Variants in TSHZ2 observed in about 807,000 individuals in gnomAD.
TSHZ2 encodes teashirt homolog 2.
A neutral mutation model predicts 74.4 loss-of-function variants in TSHZ2; 21 were observed. The observed-to-expected ratio is 0.28, with a 90% CI of 0.20 to 0.41. The LOEUF (loss-of-function observed/expected upper bound fraction) is 0.41, where lower values mean the gene tolerates loss of function less well. Among genes scored for constraint, TSHZ2 ranks in the 10% least tolerant of loss-of-function variants. The probability of loss-of-function intolerance (pLI) is 1.00; values close to 1 mark genes in which losing one functional copy is unlikely to be tolerated. For synonymous variants in TSHZ2, 540 were observed against 515.3 expected, an observed-to-expected ratio of 1.05 and a Z score of -0.65; for missense variants, 1,244 against 1,293.5, an observed-to-expected ratio of 0.96 and a Z score of 0.59.
chr20:53,364,529 C>A (rs1006989990), intron 2 of TSHZ2, among the ~76,000 whole-genome samples: 1 of 152,204 alleles, frequency 6.6e-6, no homozygotes, highest in African/African-American at 2.4e-5. Flanking sequence ...TAGGATTACC[C>A]AGCCCCACTT....
At position 53,171,225 on chromosome 20, in the gene TSHZ2, T is replaced by C. The variant is rs529676229; in HGVS notation, c.41-82274T>C. Among the ~76,000 whole-genome samples the C allele has an allele frequency of 1.6e-3, 239 of 152,348 alleles. 1 individual carries two copies. The highest frequency in any genetic ancestry group is 5.5e-3 in the African/African-American group (228 of 41,586). On this transcript the variant is annotated intron_variant, in intron 1 of 2. Transcript: ENST00000371497. ...CTCAAGCGTGTCCCCTTTAAGAGAC[T>C]CCAGAATTAAATGTTCCCGTATGTG...
At chr20:53,212,931 G>A (rs1202678104) in intron 1 of TSHZ2, among the ~76,000 whole-genome samples, 2 of 152,184 alleles carry the variant, frequency 1.3e-5, no homozygotes, top group Non-Finnish European at 2.9e-5. Flanking sequence ...ATGCTCATTA[G>A]GTGGTTGGTG....
intron 2 of TSHZ2, among the ~76,000 whole-genome samples, chr20:53,420,702 G>T (rs983273869): frequency 1.3e-5 from 2 of 152,152 alleles, no homozygotes; most frequent in Non-Finnish European, 2.9e-5. Context: ...GGCAGAGCTT[G>T]CAGTGAGCCG....
intron 1 of TSHZ2, among the ~76,000 whole-genome samples, chr20:53,204,323 A>G (rs1299075028): frequency 7.6e-6 from 1 of 131,850 alleles, no homozygotes; most frequent in Non-Finnish European, 1.6e-5. Context: ...ACATGATGAT[A>G]TGATACTATA....
chr20:53,467,294 A>G (rs776820578), intron 2 of TSHZ2, among the ~76,000 whole-genome samples: 2 of 152,220 alleles, frequency 1.3e-5, no homozygotes, highest in Non-Finnish European at 2.9e-5. Flanking sequence ...TGCAGCAACG[A>G]AAGAGCTTTT....
rs1990486883 is a variant in TSHZ2, at chr20:53,256,497, A to AG, written c.3039_3040insG (p.Ser1014GlufsTer20). 6.2e-7 allele frequency: 1 copy of AG among 1,613,106 alleles called. No homozygotes were observed. Among genetic ancestry groups the AG allele is most frequent in the Middle Eastern group, 1.6e-4 (1 of 6,076 alleles). ...GCAAACATGCGGTAAAACTCCACCT[A>AG]AGCAAAACGCACAGCAAGTCACCCG... On this transcript the variant is annotated frameshift_variant, in exon 2 of 3. Transcript: ENST00000371497. LOFTEE classifies it high-confidence loss of function. The surrounding 1 kb of genome is among the most constrained non-coding windows in gnomAD (Gnocchi z 4.3).
intron 1 of TSHZ2, among the ~76,000 whole-genome samples, chr20:53,030,708 G>A (rs1303154925): frequency 1.3e-5 from 2 of 152,236 alleles, no homozygotes; most frequent in African/African-American, 2.4e-5. Context: ...ATTGTAAAGT[G>A]TGGAAAGAAA....
rs375720091 is a variant in TSHZ2, at chr20:53,472,844, G to C, written c.*9-14300G>C. Among the ~76,000 whole-genome samples the C allele has an allele frequency of 6.6e-5, 10 of 152,154 alleles. No individual in the cohort carries two copies. The East Asian group carries it at 1.8e-3, about 27-fold the overall frequency. ...GCAGGGTGAGGCATTGCCTCACTCGGGAAGCGCAAGGGGTCAGGGAGTTCC... is the reference window on the plus strand; with the variant it reads ...GCAGGGTGAGGCATTGCCTCACTCGCGAAGCGCAAGGGGTCAGGGAGTTCC... On this transcript the variant is annotated intron_variant, in intron 2 of 2. Coordinates refer to ENST00000371497, the MANE Select transcript of TSHZ2 (RefSeq NM_173485.6).
intron 2 of TSHZ2, among the ~76,000 whole-genome samples, chr20:53,392,849 T>C (rs912573157): frequency 6.6e-6 from 1 of 152,184 alleles, no homozygotes; most frequent in Non-Finnish European, 1.5e-5. Flanking sequence ...TTCTTTTTTT[T>C]CTTGAGACAG....
chr20:53,417,245 C>CACAG (rs948666425), intron 2 of TSHZ2, among the ~76,000 whole-genome samples: 3 of 123,184 alleles, frequency 2.4e-5, no homozygotes, highest in Middle Eastern at 3.8e-3. Flanking sequence ...CACACAGACA[C>CACAG]ACACACACAC....
intron 1 of TSHZ2, among the ~76,000 whole-genome samples, chr20:53,108,806 A>G (rs1437254253): frequency 6.6e-6 from 1 of 152,168 alleles, no homozygotes; most frequent in African/African-American, 2.4e-5. Flanking sequence ...CCCACATCCA[A>G]TGTGATTTAT....
At chr20:53,398,267 A>C (rs957507506) in intron 2 of TSHZ2, 1 of 152,214 alleles carries the variant, frequency 6.6e-6, no homozygotes, top group South Asian at 2.1e-4. Context: ...CCAGGTATCA[A>C]GCAATCCCCT....
chr20:53,402,703 G>A (rs1982710940), intron 2 of TSHZ2, among the ~76,000 whole-genome samples: 1 of 152,158 alleles, frequency 6.6e-6, no homozygotes, highest in South Asian at 2.1e-4. Flanking sequence ...AATGAGTGGA[G>A]GGAGGTGGAG....
At chr20:53,226,427 G>GGGGTGTGTGTGTGT (rs879256692) in intron 1 of TSHZ2, among the ~76,000 whole-genome samples, 1 of 149,562 alleles carries the variant, frequency 6.7e-6, no homozygotes, top group African/African-American at 2.5e-5. Flanking sequence ...TGTGTGGGTC[G>GGGGTGTGTGTGTGT]GTGTGTGTAT....
chr20:53,012,689 C>T (rs1479574418), intron 1 of TSHZ2, among the ~76,000 whole-genome samples: 1 of 152,242 alleles, frequency 6.6e-6, no homozygotes, highest in Admixed American at 6.5e-5. Flanking sequence ...CACATGCACA[C>T]ATACATGCAC....
chr20:53,240,721 TGATAGATAGATAGATA>T (rs11468792), intron 1 of TSHZ2, among the ~76,000 whole-genome samples: 77 of 145,156 alleles, frequency 5.3e-4, no homozygotes, highest in East Asian at 2.6e-3. Flanking sequence ...GATAGATAGA[TGATAGATAGATAGATA>T]GATAGATAGA....
chr20:53,450,043 T>C (rs1244574938), intron 2 of TSHZ2, among the ~76,000 whole-genome samples: 1 of 152,242 alleles, frequency 6.6e-6, no homozygotes. Context: ...AAATGTTTAT[T>C]GATTGAAGAA....
intron 2 of TSHZ2, among the ~76,000 whole-genome samples, chr20:53,360,184 T>C (rs376803274): frequency 1.3e-5 from 2 of 152,236 alleles, no homozygotes; most frequent in Non-Finnish European, 2.9e-5. Context: ...TGATACACTT[T>C]GTAAATGTAG....
rs373578455 is a variant in TSHZ2, at chr20:53,459,445, G to C, written c.*9-27699G>C. On this transcript the variant is annotated intron_variant, in intron 2 of 2. Coordinates refer to ENST00000371497, the MANE Select transcript of TSHZ2 (RefSeq NM_173485.6). Reference sequence around the variant, plus strand: ...CTCCATCCTTTTATTTTGAGCCTATGTGTGTCTCTGCACTTGAGATGGGTT... The same window carrying C: ...CTCCATCCTTTTATTTTGAGCCTATCTGTGTCTCTGCACTTGAGATGGGTT... Among the ~76,000 whole-genome samples, 196 of 150,298 alleles carry C rather than the reference G, an allele frequency of 1.3e-3. 1 individual carries two copies. Among genetic ancestry groups the C allele is most frequent in the African/African-American group, 4.3e-3 (173 of 40,664 alleles).
Sources: gnomAD v4.1 joint callset for allele counts (sites outside exome capture counted in the v4.1 genomes callset) on GRCh38, gnomAD v4.1.1 for gene constraint, Gnocchi (gnomAD v3.1) non-coding constraint, MANE v1.5 for transcripts, NCBI Gene and HGNC (gene_info 2026-07-23, HGNC 2026-07-21) for gene names.